DLGAP1: variants seen among roughly 807,000 people sequenced by gnomAD.
DLGAP1 encodes DLG associated protein 1.
A neutral mutation model predicts 90.8 loss-of-function variants in DLGAP1; 11 were observed. The ratio of observed to expected loss-of-function variants is 0.12; its 90% confidence interval spans 0.08 to 0.20. The LOEUF (loss-of-function observed/expected upper bound fraction) is 0.20, where lower values mean the gene tolerates loss of function less well. Among genes scored for constraint, DLGAP1 ranks in the 10% least tolerant of loss-of-function variants. The probability of loss-of-function intolerance (pLI) is 1.00; values close to 1 mark genes in which losing one functional copy is unlikely to be tolerated. For missense variants in DLGAP1, 1,050 were observed against 1,333.8 expected, an observed-to-expected ratio of 0.79 and a Z score of 3.31; for synonymous variants, 558 against 540.7, an observed-to-expected ratio of 1.03 and a Z score of -0.44.
chr18:4,266,739 A>C (rs769080935), intron 1 of DLGAP1, among the ~76,000 whole-genome samples: 27 of 152,238 alleles, frequency 1.8e-4, no homozygotes, highest in Non-Finnish European at 7.3e-5. Context: ...AGATGATTAC[A>C]TACATCCATG....
At chr18:4,132,026 T>TC (rs2076325013) in intron 2 of DLGAP1, among the ~76,000 whole-genome samples, 1 of 150,200 alleles carries the variant, frequency 6.7e-6, no homozygotes, top group African/African-American at 2.5e-5. Flanking sequence ...TTTTATGACT[T>TC]TTTTTTTTCC....
Position 3,854,403 on chromosome 18 carries a change from T to G in DLGAP1, c.957+24709A>C, listed in dbSNP as rs745873244. On this transcript the variant is annotated intron_variant, in intron 4 of 12. Transcript: ENST00000315677. ...ATATTTAAAATATTGGATCTCAGAT[T>G]TAGCATTCCCCAATTTTGTTATTGT... Among the ~76,000 whole-genome samples the G allele has an allele frequency of 3.7e-4, 57 of 152,338 alleles. 1 individual carries two copies. The Middle Eastern group carries it at 0.014, about 36-fold the overall frequency.
chr18:4,059,890 G>T (rs55843629), intron 2 of DLGAP1, among the ~76,000 whole-genome samples: 20,657 of 152,164 alleles, frequency 0.14, 1,392 homozygotes, highest in East Asian at 0.17. Context: ...GCAGAGGCAG[G>T]CTCAACTACT....
At chr18:4,183,702 A>G (rs928784350) in intron 1 of DLGAP1, among the ~76,000 whole-genome samples, 8 of 152,136 alleles carry the variant, frequency 5.3e-5, no homozygotes, top group African/African-American at 1.4e-4. Context: ...ATTGCCATGT[A>G]GGTTTCCTTG....
At chr18:4,196,743 C>T (rs188613636) in intron 1 of DLGAP1, among the ~76,000 whole-genome samples, 78 of 152,314 alleles carry the variant, frequency 5.1e-4, no homozygotes, top group Non-Finnish European at 8.2e-4. Context: ...TATGTGTATA[C>T]ATTTATTTCA....
intron 1 of DLGAP1, among the ~76,000 whole-genome samples, chr18:4,408,793 G>A (rs1567898749): frequency 6.6e-6 from 1 of 152,132 alleles, no homozygotes; most frequent in Non-Finnish European, 1.5e-5. Flanking sequence ...TTAAAACTGT[G>A]TATCAGCCAA....
intron 7 of DLGAP1, among the ~76,000 whole-genome samples, chr18:3,619,469 T>C (rs918309354): frequency 6.6e-6 from 1 of 152,070 alleles, no homozygotes; most frequent in African/African-American, 2.4e-5. Flanking sequence ...GGGACCAGGG[T>C]TCCAGTCCTA....
chr18:3,851,114 G>T (rs746111669), intron 4 of DLGAP1, among the ~76,000 whole-genome samples: 1 of 152,126 alleles, frequency 6.6e-6, no homozygotes, highest in African/African-American at 2.4e-5. Context: ...TTAATACTGT[G>T]GTAGGTAAGT....
chr18:4,242,465 T>C (rs1320223650), intron 1 of DLGAP1, among the ~76,000 whole-genome samples: 1 of 152,084 alleles, frequency 6.6e-6, no homozygotes, highest in Non-Finnish European at 1.5e-5. Context: ...AAGGAGGATT[T>C]GGGGTAAATC....
At chr18:3,600,925 T>C (rs188302727) in intron 7 of DLGAP1, among the ~76,000 whole-genome samples, 1 of 87,356 alleles carries the variant, frequency 1.1e-5, no homozygotes. Flanking sequence ...GATATAGATA[T>C]ATATAGATAT....
At chr18:4,366,816 G>C (rs1173541180) in intron 1 of DLGAP1, among the ~76,000 whole-genome samples, 2 of 151,630 alleles carry the variant, frequency 1.3e-5, no homozygotes, top group East Asian at 3.9e-4. Flanking sequence ...AACATTTCTA[G>C]AGCATATCTA....
intron 9 of DLGAP1, among the ~76,000 whole-genome samples, chr18:3,548,268 T>C (rs2053174866): frequency 1.7e-5 from 2 of 118,800 alleles, no homozygotes; most frequent in Admixed American, 1.5e-4. Context: ...TATCTTAGTA[T>C]AATTTTTCTA....
chr18:3,712,937 ACAGAGTTATCCTT>A (rs1220007443), intron 7 of DLGAP1, among the ~76,000 whole-genome samples: 5 of 152,230 alleles, frequency 3.3e-5, no homozygotes, highest in Non-Finnish European at 7.3e-5. Flanking sequence ...TGTTTCCTTT[ACAGAGTTATCCTT>A]CAGATGTGTT....
intron 1 of DLGAP1, among the ~76,000 whole-genome samples, chr18:4,180,461 A>G (rs1353329024): frequency 6.6e-6 from 1 of 152,194 alleles, no homozygotes; most frequent in Non-Finnish European, 1.5e-5. Context: ...GGAACTGCAC[A>G]TCTTGCAAGG....
intron 2 of DLGAP1, among the ~76,000 whole-genome samples, chr18:4,091,290 T>C (rs1267806469): frequency 6.6e-6 from 1 of 152,242 alleles, no homozygotes; most frequent in African/African-American, 2.4e-5. Flanking sequence ...TTTATTCTTC[T>C]GAATCTAAGA....
chr18:4,392,371 G>A (rs1274628618), intron 1 of DLGAP1, among the ~76,000 whole-genome samples: 2 of 151,908 alleles, frequency 1.3e-5, no homozygotes, highest in Non-Finnish European at 2.9e-5. Context: ...AAATGTGAGT[G>A]AAAATACACC....
chr18:4,251,000 CAAG>C lies in DLGAP1; in HGVS notation c.-266-99716_-266-99714del, dbSNP rs568636012. Among the ~76,000 whole-genome samples, 5 of 151,864 alleles carry C rather than the reference CAAG, an allele frequency of 3.3e-5. No homozygotes were observed. The South Asian group carries it at 6.2e-4, about 19-fold the overall frequency. ...CTGGTTGAAAGAGATCACAAAAACA[CAAG>C]AAGAATTTACACAAGTGAAATCTAT... On this transcript the variant is annotated intron_variant, in intron 1 of 12. Transcript: ENST00000315677.
At chr18:4,152,677 C>T (rs897668487) in intron 1 of DLGAP1, among the ~76,000 whole-genome samples, 1 of 152,128 alleles carries the variant, frequency 6.6e-6, no homozygotes, top group South Asian at 2.1e-4. Flanking sequence ...AACACAACAG[C>T]CTCAGGCATG....
chr18:3,529,440 T>G (rs2144377447), intron 10 of DLGAP1, among the ~76,000 whole-genome samples: 1 of 152,336 alleles, frequency 6.6e-6, no homozygotes, highest in African/African-American at 2.4e-5. Context: ...TATAGCAGCC[T>G]GAAAGGACTG....
Sources: gnomAD v4.1 joint callset for allele counts (sites outside exome capture counted in the v4.1 genomes callset) on GRCh38, gnomAD v4.1.1 for gene constraint, MANE v1.5 for transcripts, NCBI Gene and HGNC (gene_info 2026-07-23, HGNC 2026-07-21) for gene names.